GLDC: variants seen among roughly 807,000 people sequenced by gnomAD.
The protein encoded by GLDC is glycine dehydrogenase (decarboxylating), mitochondrial.
Under a neutral mutation model 121.3 loss-of-function variants are expected in GLDC, and 104 were observed. The ratio of observed to expected loss-of-function variants is 0.86; its 90% CI spans 0.73 to 1.01. GLDC has a LOEUF of 1.01. GLDC is among the 50% of genes least tolerant of loss of function. The pLI is 0.00. For synonymous variants in GLDC, 546 were observed against 480.6 expected (o/e 1.14, Z -1.78); for missense variants, 1,429 against 1,306.6 (o/e 1.09, Z -1.44).
At chr9:6,572,014 C>T (rs1817978701) in intron 15 of GLDC, among the ~76,000 whole-genome samples, 2 of 152,214 alleles carry the variant, frequency 1.3e-5, no homozygotes, top group East Asian at 3.8e-4. Flanking sequence ...CAATCTAAGT[C>T]TCACAGCTTA....
intron 9 of GLDC, among the ~76,000 whole-genome samples, chr9:6,593,426 G>A (rs1563851718): frequency 6.6e-6 from 1 of 151,414 alleles, no homozygotes. Context: ...AGCCTCCCAA[G>A]TAACTGGGAT....
At chr9:6,597,285 G>C (rs1422732489) in intron 8 of GLDC, among the ~76,000 whole-genome samples, 1 of 152,154 alleles carries the variant, frequency 6.6e-6, no homozygotes, top group Non-Finnish European at 1.5e-5. Context: ...AAAATATTCT[G>C]AAATTAAATA....
chr9:6,616,204 A>G (rs1390394066), intron 3 of GLDC, among the ~76,000 whole-genome samples: 1 of 152,226 alleles, frequency 6.6e-6, no homozygotes, highest in Non-Finnish European at 1.5e-5. Context: ...ACCTTTCCTA[A>G]AAGCACTTCT....
In GLDC at chr9:6,633,821, C is replaced by CTTTTTTTTT. The variant is rs1156711956; in HGVS notation, c.334+10784_334+10792dup. Among the ~76,000 whole-genome samples the CTTTTTTTTT allele has an allele frequency of 1.7e-4, 15 of 89,462 alleles. 2 individuals are homozygous for CTTTTTTTTT. Among genetic ancestry groups the CTTTTTTTTT allele is most frequent in the African/African-American group, 7.0e-4 (14 of 19,976 alleles). The allele number at this position is 89,462 out of a possible 152,430, so 58.7% of individuals were successfully genotyped here. ...ACTTGGGAGGCTGAGGCAGGAGAATCTTTTTTTTTTTTTTTTTTTTTTTTT... is the reference window on the plus strand; with the variant it reads ...ACTTGGGAGGCTGAGGCAGGAGAATCTTTTTTTTTTTTTTTTTTTTTTTTTTTTTTTTTT... On this transcript the variant is annotated intron_variant, in intron 2 of 24. Transcript: ENST00000321612.
chr9:6,557,426 T>C (rs185784843), intron 17 of GLDC, among the ~76,000 whole-genome samples: 150 of 152,176 alleles, frequency 9.9e-4, no homozygotes, highest in African/African-American at 3.5e-3. Flanking sequence ...AAACCCTGTC[T>C]CTACTAAAAA....
At position 6,605,802 on chromosome 9, in the gene GLDC, G is replaced by C. The variant is rs181890251; in HGVS notation, c.714-524C>G. The C allele has an allele frequency of 3.2e-5, 7 of 215,802 alleles. No homozygotes were observed. In the Admixed American group the frequency reaches 3.7e-4, roughly 11 times the overall value. The allele number at this position is 215,802 out of a possible 1,614,324, so 13.4% of individuals were successfully genotyped here. On this transcript the variant is annotated intron_variant, in intron 5 of 24. Coordinates refer to ENST00000321612, the MANE Select transcript of GLDC (RefSeq NM_000170.3). The stretch of plus-strand genomic sequence containing the variant: ...AATATCTACCAATAGTGGTTGTTGC[G>C]AGGATTGTTTTACCTGATTACAGCA...
intron 11 of GLDC, among the ~76,000 whole-genome samples, chr9:6,591,197 G>A (rs1438143133): frequency 6.6e-6 from 1 of 152,106 alleles, no homozygotes; most frequent in Non-Finnish European, 1.5e-5. Context: ...TAGCTTTCAT[G>A]TACTCCCTCT....
chr9:6,625,296 G>A (rs1208800886), intron 2 of GLDC, among the ~76,000 whole-genome samples: 1 of 152,138 alleles, frequency 6.6e-6, no homozygotes, highest in African/African-American at 2.4e-5. Context: ...GGCCTGGCAT[G>A]GGAAAGGGAA....
chr9:6,565,331 G>T (rs1030557424), intron 16 of GLDC, 23 bp downstream of exon 16: 4 of 1,575,050 alleles, frequency 2.5e-6, no homozygotes, highest in Non-Finnish European at 3.5e-6. Context: ...TGGTGAGCAA[G>T]CGCCACCTCC....
At chr9:6,578,119 G>T (rs928507815) in intron 15 of GLDC, among the ~76,000 whole-genome samples, 2 of 151,614 alleles carry the variant, frequency 1.3e-5, no homozygotes, top group Non-Finnish European at 2.9e-5. Context: ...CTCACTATCT[G>T]GTCCAGGCTT....
At chr9:6,616,441 A>AT (rs1818968148) in intron 3 of GLDC, among the ~76,000 whole-genome samples, 2 of 152,164 alleles carry the variant, frequency 1.3e-5, no homozygotes, top group Admixed American at 1.3e-4. Flanking sequence ...AACTTCTTGT[A>AT]TTAGTCTAGA....
chr9:6,602,033 A>AAATG, intron 8 of GLDC, 76 bp downstream of exon 8: 1 of 917,576 alleles, frequency 1.1e-6, no homozygotes, highest in Non-Finnish European at 1.8e-6. Flanking sequence ...ATAAATGAAC[A>AAATG]AATGAATGAA....
rs562370667 is a variant in GLDC, at chr9:6,589,040, C to T, written c.1580+155G>A. Among the ~76,000 whole-genome samples, 12 of 152,298 alleles carry T rather than the reference C, an allele frequency of 7.9e-5. No homozygotes were observed. In the South Asian group the frequency reaches 2.3e-3, roughly 29 times the overall value. ...GAAACAAAGTGTGCTTTTCCCAAGTCAGGAACGGGATCGTTATGAGGATGA... is the reference window on the plus strand; with the variant it reads ...GAAACAAAGTGTGCTTTTCCCAAGTTAGGAACGGGATCGTTATGAGGATGA... On this transcript the variant is annotated intron_variant, in intron 12 of 24. Coordinates refer to ENST00000321612, the MANE Select transcript of GLDC (RefSeq NM_000170.3).
intron 19 of GLDC, among the ~76,000 whole-genome samples, chr9:6,553,886 T>C (rs570822790): frequency 6.6e-6 from 1 of 152,094 alleles, no homozygotes; most frequent in South Asian, 2.1e-4. Context: ...TGGGCTGACA[T>C]GAACATCATT....
intron 2 of GLDC, among the ~76,000 whole-genome samples, chr9:6,638,181 T>A (rs956188395): frequency 1.3e-5 from 2 of 152,102 alleles, no homozygotes; most frequent in Non-Finnish European, 2.9e-5. Flanking sequence ...TCAGTGAAGG[T>A]ACTGCCTTTG....
chr9:6,581,250 G>C (rs1266631109), intron 15 of GLDC, among the ~76,000 whole-genome samples: 2 of 152,198 alleles, frequency 1.3e-5, no homozygotes. Flanking sequence ...CAAATCGGAG[G>C]CATGTTCCAT....
intron 2 of GLDC, among the ~76,000 whole-genome samples, chr9:6,629,958 T>TATATATATATATATGTGTA: frequency 1.3e-5 from 1 of 78,678 alleles, no homozygotes; most frequent in Admixed American, 1.3e-4. Context: ...TATATATATA[T>TATATATATATATATGTGTA]TTTTTTTTTT....
rs551699213 is a variant in GLDC at position 6,622,655 on chromosome 9, G to A, written c.335-2336C>T. ...AGTGCCGAGATGGCAGCCTCTGCCCGGCCGCCACCCCGTCTGGGAAGTGAG... is the reference window on the plus strand; with the variant it reads ...AGTGCCGAGATGGCAGCCTCTGCCCAGCCGCCACCCCGTCTGGGAAGTGAG... On this transcript the variant is annotated intron_variant, in intron 2 of 24. Coordinates refer to ENST00000321612, the MANE Select transcript of GLDC (RefSeq NM_000170.3). The A allele has an allele frequency of 2.9e-4, 60 of 208,742 alleles. 1 individual carries two copies. Among genetic ancestry groups the A allele is most frequent in the South Asian group, 5.8e-4 (9 of 15,456 alleles). 12.9% of individuals were successfully genotyped at this position (208,742 alleles called of 1,614,324 possible). A position where few individuals can be genotyped will look rare whatever the true frequency, so the allele number is the denominator to read the frequency against.
Position 6,559,516 on chromosome 9 carries a change from T to TAAA in GLDC, c.1927-835_1927-833dup, listed in dbSNP as rs56198084. ...GGCGACAAGAGTGAAACTCCGTATT[T>TAAA]AAAAAAAAAAAAAAAAAAAAAAAAA... On this transcript the variant is annotated intron_variant, in intron 16 of 24. Coordinates refer to ENST00000321612, the MANE Select transcript of GLDC (RefSeq NM_000170.3). 6.0e-5 allele frequency among the ~76,000 whole-genome samples: 5 copies of TAAA among 83,274 alleles called. No homozygotes were observed. The South Asian group carries it at 1.9e-3, about 31-fold the overall frequency. The allele number at this position is 83,274 out of a possible 152,430, so 54.6% of individuals were successfully genotyped here.
Sources: gnomAD v4.1 joint callset for allele counts (sites outside exome capture counted in the v4.1 genomes callset) on GRCh38, gnomAD v4.1.1 for gene constraint, MANE v1.5 for transcripts, NCBI Gene and HGNC (gene_info 2026-07-23, HGNC 2026-07-21) for gene names.